BAIAP2L1: variants seen among roughly 807,000 people sequenced by gnomAD.
The protein encoded by BAIAP2L1 is BAR/IMD domain-containing adapter protein 2-like 1.
Under a neutral mutation model 66.3 loss-of-function variants are expected in BAIAP2L1, and 35 were observed. That is an observed-to-expected ratio of 0.53 (90% confidence interval 0.40 to 0.70). The LOEUF (loss-of-function observed/expected upper bound fraction) is 0.70. Among genes scored for constraint, BAIAP2L1 ranks in the 30% least tolerant of loss-of-function variants. The pLI is 0.00. For synonymous variants in BAIAP2L1, 269 were observed against 248.7 expected, an observed-to-expected ratio of 1.08 and a Z score of -0.77; for missense variants, 622 against 656.9, an observed-to-expected ratio of 0.95 and a Z score of 0.58.
At chr7:98,385,394 T>C (rs191448377) in intron 1 of BAIAP2L1, among the ~76,000 whole-genome samples, 1 of 152,264 alleles carries the variant, frequency 6.6e-6, no homozygotes, top group Admixed American at 6.5e-5. Context: ...TTCTTTACTT[T>C]TATTTCTCAG....
At chr7:98,296,805 G>C (rs986420048) in intron 12 of BAIAP2L1, among the ~76,000 whole-genome samples, 6 of 152,344 alleles carry the variant, frequency 3.9e-5, no homozygotes, top group African/African-American at 1.4e-4. Context: ...CTGCAAAGGA[G>C]ACCCACGAGG....
At chr7:98,392,524 G>A (rs1803071278) in intron 1 of BAIAP2L1, among the ~76,000 whole-genome samples, 2 of 152,106 alleles carry the variant, frequency 1.3e-5, no homozygotes, top group South Asian at 4.1e-4. Flanking sequence ...GTGGCTTAAG[G>A]AAAACATCAT....
intron 12 of BAIAP2L1, among the ~76,000 whole-genome samples, chr7:98,297,329 G>T (rs1243172319): frequency 6.6e-6 from 1 of 152,216 alleles, no homozygotes; most frequent in Non-Finnish European, 1.5e-5. Flanking sequence ...ATGCGCCCAG[G>T]TTGGGGGACT....
rs774065191 is a variant in BAIAP2L1 at position 98,362,446 on chromosome 7, A to G, written c.52-14T>C. 3 of 1,589,940 alleles carry G rather than the reference A, an allele frequency of 1.9e-6. No individual in the cohort carries two copies. Among genetic ancestry groups the G allele is most frequent in the African/African-American group, 2.7e-5 (2 of 73,630 alleles). On this transcript the variant is annotated splice_polypyrimidine_tract_variant and intron_variant, in intron 1 of 13. Coordinates refer to ENST00000005260, the MANE Select transcript of BAIAP2L1 (RefSeq NM_018842.5). ...TTCCATAACATTCTGCCAAACAAAC[A>G]AAACACACAAATTAATAAAATAAAA...
At chr7:98,313,997 T>C (rs1318149380) in intron 7 of BAIAP2L1, among the ~76,000 whole-genome samples, 3 of 146,466 alleles carry the variant, frequency 2.0e-5, no homozygotes, top group Non-Finnish European at 4.5e-5. Flanking sequence ...TTTTTTTTTT[T>C]TTTTTTGAGA....
chr7:98,316,838 TC>T (rs1364134910), intron 6 of BAIAP2L1, among the ~76,000 whole-genome samples: 1 of 151,292 alleles, frequency 6.6e-6, no homozygotes, highest in Non-Finnish European at 1.5e-5. Flanking sequence ...ATCATTCTAC[TC>T]CCCACTTCCA....
rs2116764875 is a variant in BAIAP2L1, at chr7:98,292,852, CT to C, written c.*668del. ...CAGCGAATCCGTTGGCGACTCCTAA[CT>C]ACCAAGAAAAGGAGCTCTCGGAGGA... On this transcript the variant is annotated 3_prime_UTR_variant, in exon 14 of 14. Coordinates refer to ENST00000005260, the MANE Select transcript of BAIAP2L1 (RefSeq NM_018842.5). 4.8e-6 allele frequency: 7 copies of C among 1,458,208 alleles called. No homozygotes were observed. The highest frequency in any genetic ancestry group is 6.3e-6 in the Non-Finnish European group (7 of 1,104,804). The allele number at this position is 1,458,208 out of a possible 1,614,324, so 90.3% of individuals were successfully genotyped here. A position where few individuals can be genotyped will look rare whatever the true frequency, so the allele number is the denominator to read the frequency against.
In BAIAP2L1 at chr7:98,312,154, G is replaced by C. The variant is rs1800898179; in HGVS notation, c.750C>G (p.Ala250=). Residue 250 remains alanine, a synonymous_variant, in exon 8 of 14, where the codon GCC becomes GCG. Transcript: ENST00000005260. ...GAGGAGTTCCAGACACGGGGGTAGA[G>C]GCTGGGGTCTTTATTTCTTCGATCA... ...MNMIEEIKTP[A]STPVSGTPQA... is the part of the protein sequence containing the mutation. 1 of 1,613,974 alleles carries C rather than the reference G, an allele frequency of 6.2e-7. No individual in the cohort carries two copies. Among genetic ancestry groups the C allele is most frequent in the Non-Finnish European group, 8.5e-7 (1 of 1,180,010 alleles).
intron 1 of BAIAP2L1, among the ~76,000 whole-genome samples, chr7:98,365,968 A>T (rs1311565678): frequency 6.6e-6 from 1 of 151,978 alleles, no homozygotes; most frequent in African/African-American, 2.4e-5. Context: ...CCTGATGGCC[A>T]GTTTGTATTG....
chr7:98,343,124 G>A (rs1409480639), intron 3 of BAIAP2L1, among the ~76,000 whole-genome samples: 1 of 151,974 alleles, frequency 6.6e-6, no homozygotes, highest in African/African-American at 2.4e-5. Flanking sequence ...GCGGCCAGGC[G>A]CAGTAGCTCA....
At chr7:98,371,031 G>A (rs1285624509) in intron 1 of BAIAP2L1, among the ~76,000 whole-genome samples, 1 of 152,176 alleles carries the variant, frequency 6.6e-6, no homozygotes, top group African/African-American at 2.4e-5. Context: ...CTACTGCAAG[G>A]CTTGTGAAGA....
intron 3 of BAIAP2L1, among the ~76,000 whole-genome samples, chr7:98,353,332 AAT>A (rs2115684815): frequency 7.5e-6 from 1 of 133,480 alleles, no homozygotes; most frequent in African/African-American, 3.1e-5. Context: ...AATATATATA[AAT>A]ATATAAATAT....
At chr7:98,382,212 T>A (rs1802776050) in intron 1 of BAIAP2L1, among the ~76,000 whole-genome samples, 1 of 152,062 alleles carries the variant, frequency 6.6e-6, no homozygotes, top group Non-Finnish European at 1.5e-5. Context: ...TGAGCAACCG[T>A]GCCCAGCCAA....
chr7:98,316,142 A>G (rs933274379), intron 6 of BAIAP2L1, among the ~76,000 whole-genome samples: 1 of 152,176 alleles, frequency 6.6e-6, no homozygotes, highest in African/African-American at 2.4e-5. Flanking sequence ...GGCTTCATAA[A>G]GGGAGTTTCC....
intron 3 of BAIAP2L1, among the ~76,000 whole-genome samples, chr7:98,347,021 C>G (rs1284079360): frequency 6.9e-6 from 1 of 144,686 alleles, no homozygotes; most frequent in Non-Finnish European, 1.5e-5. Context: ...ACAACAACAA[C>G]AAAACAAAAC....
Position 98,356,657 on chromosome 7 carries a change from T to C in BAIAP2L1, c.128-1529A>G, listed in dbSNP as rs560841134. 4.1e-3 allele frequency among the ~76,000 whole-genome samples: 387 copies of C among 94,148 alleles called. 2 individuals carry two copies. Among genetic ancestry groups the C allele is most frequent in the Non-Finnish European group, 5.9e-3 (276 of 47,120 alleles). The allele number at this position is 94,148 out of a possible 152,430, so 61.8% of individuals were successfully genotyped here. On this transcript the variant is annotated intron_variant, in intron 2 of 13. Coordinates refer to ENST00000005260, the MANE Select transcript of BAIAP2L1 (RefSeq NM_018842.5). ...GACTACAGGCACGTGCCACCATTCCTGGCTAATTAAAAAAAAAAAAAAAAA... is the reference window on the plus strand; with the variant it reads ...GACTACAGGCACGTGCCACCATTCCCGGCTAATTAAAAAAAAAAAAAAAAA...
At chr7:98,347,687 A>C (rs1381918967) in intron 3 of BAIAP2L1, among the ~76,000 whole-genome samples, 1 of 152,012 alleles carries the variant, frequency 6.6e-6, no homozygotes, top group South Asian at 2.1e-4. Flanking sequence ...AGGCAGGAGA[A>C]TGGTGTGAAC....
At chr7:98,388,770 T>C (rs1454080667) in intron 1 of BAIAP2L1, among the ~76,000 whole-genome samples, 1 of 151,974 alleles carries the variant, frequency 6.6e-6, no homozygotes, top group Non-Finnish European at 1.5e-5. Flanking sequence ...GCCCAGGAGT[T>C]CAAGACCAGC....
At chr7:98,393,126 T>G (rs557241983) in intron 1 of BAIAP2L1, among the ~76,000 whole-genome samples, 1,196 of 103,796 alleles carry the variant, frequency 0.012, 72 homozygotes, top group African/African-American at 0.033. Context: ...CATATATGTA[T>G]ATATACACAC....
Sources: allele counts gnomAD v4.1 joint callset (sites outside exome capture counted in the v4.1 genomes callset), GRCh38; gene constraint gnomAD v4.1.1; transcripts MANE v1.5; gene names NCBI Gene and HGNC (gene_info 2026-07-23, HGNC 2026-07-21).